Variants in RABGAP1L observed in about 807,000 individuals in gnomAD.
The protein encoded by RABGAP1L is rab GTPase-activating protein 1-like.
Under a neutral mutation model 137.7 loss-of-function variants are expected in RABGAP1L, and 63 were observed. The observed-to-expected ratio is 0.46, with a 90% CI of 0.37 to 0.56. The LOEUF (loss-of-function observed/expected upper bound fraction) is 0.56. RABGAP1L is among the 20% of genes least tolerant of loss of function. The pLI is 0.00. For missense variants in RABGAP1L, 1,095 were observed against 1,244.0 expected (o/e 0.88, Z 1.80); for synonymous variants, 431 against 433.7 (o/e 0.99, Z 0.08).
chr1:174,601,278 T>A (rs1436874544), intron 13 of RABGAP1L, among the ~76,000 whole-genome samples: 3 of 152,236 alleles, frequency 2.0e-5, no homozygotes, highest in African/African-American at 4.8e-5. Context: ...GAGGGGCTGC[T>A]GCGAAGGTCT....
intron 17 of RABGAP1L, among the ~76,000 whole-genome samples, chr1:174,716,419 C>G (rs915037099): frequency 6.6e-6 from 1 of 152,194 alleles, no homozygotes; most frequent in African/African-American, 2.4e-5. Context: ...GTAGCTGGGA[C>G]TGCAGGTATG....
At chr1:174,778,813 C>T (rs1013497523) in intron 18 of RABGAP1L, among the ~76,000 whole-genome samples, 3 of 152,112 alleles carry the variant, frequency 2.0e-5, no homozygotes, top group African/African-American at 7.2e-5. Context: ...CCAGGCTTGT[C>T]TCAAACTCCT....
At chr1:174,726,978 A>T (rs549878834) in intron 17 of RABGAP1L, among the ~76,000 whole-genome samples, 5 of 152,068 alleles carry the variant, frequency 3.3e-5, no homozygotes, top group Non-Finnish European at 7.4e-5. Context: ...ATCGGTAAAC[A>T]TTTGTTAGTT....
At chr1:174,618,907 A>C (rs192074454) in intron 13 of RABGAP1L, among the ~76,000 whole-genome samples, 58 of 152,342 alleles carry the variant, frequency 3.8e-4, no homozygotes, top group African/African-American at 1.3e-3. Flanking sequence ...ATTTAGACGA[A>C]TGTATAACTA....
At chr1:174,427,978 T>A (rs1278102843) in intron 13 of RABGAP1L, among the ~76,000 whole-genome samples, 1 of 152,198 alleles carries the variant, frequency 6.6e-6, no homozygotes, top group African/African-American at 2.4e-5. Context: ...GTAAATTATT[T>A]CGGGTCCCTG....
Position 174,215,875 on chromosome 1 carries a change from C to G in RABGAP1L, c.-33-3250C>G, listed in dbSNP as rs575483282. Among the ~76,000 whole-genome samples, 7 of 150,504 alleles carry G rather than the reference C, an allele frequency of 4.7e-5. No homozygotes were observed. In the South Asian group the frequency reaches 1.5e-3, roughly 32 times the overall value. ...CTCCCTTGTTTATTGCAGCACTACTCACAGCAGCCAAGATTTGGAAGCAAC... is the reference window on the plus strand; with the variant it reads ...CTCCCTTGTTTATTGCAGCACTACTGACAGCAGCCAAGATTTGGAAGCAAC... On this transcript the variant is annotated intron_variant, in intron 1 of 25. Coordinates refer to ENST00000681986, the MANE Select transcript of RABGAP1L (RefSeq NM_001366446.1).
At chr1:174,716,857 G>GTA (rs1681061421) in intron 17 of RABGAP1L, among the ~76,000 whole-genome samples, 1 of 152,046 alleles carries the variant, frequency 6.6e-6, no homozygotes, top group Non-Finnish European at 1.5e-5. Context: ...ATCATGTCTG[G>GTA]TAATTATTTC....
intron 1 of RABGAP1L, among the ~76,000 whole-genome samples, chr1:174,175,076 G>A (rs1051900020): frequency 6.6e-6 from 1 of 152,134 alleles, no homozygotes; most frequent in African/African-American, 2.4e-5. Context: ...ACTTAGTACA[G>A]TTATCAAATT....
chr1:174,403,012 T>C (rs952642473), intron 13 of RABGAP1L, among the ~76,000 whole-genome samples: 8 of 152,106 alleles, frequency 5.3e-5, no homozygotes, highest in Admixed American at 5.2e-4. Context: ...TATTAGATTG[T>C]AGTTGTGTGG....
At chr1:174,276,064 CA>C in intron 9 of RABGAP1L, 129 bp downstream of exon 9, 1 of 621,128 alleles carries the variant, frequency 1.6e-6, no homozygotes, top group South Asian at 2.4e-5. Context: ...ATTTGAGGTT[CA>C]TTTTTATTCT....
intron 13 of RABGAP1L, among the ~76,000 whole-genome samples, chr1:174,609,161 G>A (rs1670997312): frequency 6.6e-6 from 1 of 152,052 alleles, no homozygotes; most frequent in African/African-American, 2.4e-5. Flanking sequence ...AAATGAAAGA[G>A]TTTTTATTTG....
intron 19 of RABGAP1L, among the ~76,000 whole-genome samples, chr1:174,946,936 A>ATGTGTGTG (rs1311067728): frequency 9.2e-5 from 6 of 65,076 alleles, no homozygotes; most frequent in African/African-American, 4.9e-4. Flanking sequence ...ATATATATAT[A>ATGTGTGTG]TATATGTGTG....
chr1:174,261,885 G>T (rs1340775453), intron 7 of RABGAP1L, among the ~76,000 whole-genome samples: 1 of 152,106 alleles, frequency 6.6e-6, no homozygotes, highest in Non-Finnish European at 1.5e-5. Context: ...AAGAATTTTA[G>T]ATGTTATAAT....
At chr1:174,474,204 A>G (rs61826877) in intron 13 of RABGAP1L, among the ~76,000 whole-genome samples, 13,674 of 152,220 alleles carry the variant, frequency 0.09, 840 homozygotes, top group East Asian at 0.22. Context: ...TATTTATTCA[A>G]TTTGTAGTAT....
chr1:174,195,705 C>CTTTCT (rs1558021580), intron 1 of RABGAP1L, among the ~76,000 whole-genome samples: 4 of 98,126 alleles, frequency 4.1e-5, no homozygotes, highest in African/African-American at 2.1e-4. Flanking sequence ...TCCTTCTTTC[C>CTTTCT]TTCTTTCTTT....
At position 174,470,380 on chromosome 1, in the gene RABGAP1L, T is replaced by C. The variant is rs1360594540; in HGVS notation, c.1710+76235T>C. ...TACCTTTTGTATACAAAGGTGATGATACTGAATTAAATTTCCAGAAGTAAT... is the reference window on the plus strand; with the variant it reads ...TACCTTTTGTATACAAAGGTGATGACACTGAATTAAATTTCCAGAAGTAAT... On this transcript the variant is annotated intron_variant, in intron 13 of 25. Coordinates refer to ENST00000681986, the MANE Select transcript of RABGAP1L (RefSeq NM_001366446.1). 3.3e-5 allele frequency among the ~76,000 whole-genome samples: 5 copies of C among 152,338 alleles called. No homozygotes were observed. In the East Asian group the frequency reaches 9.6e-4, roughly 29 times the overall value.
intron 11 of RABGAP1L, among the ~76,000 whole-genome samples, chr1:174,317,486 A>G (rs1679489511): frequency 1.3e-5 from 2 of 152,134 alleles, no homozygotes; most frequent in South Asian, 2.1e-4. Context: ...ATGGTGCCCT[A>G]TCTTGCTTTG....
At chr1:174,198,203 G>A (rs565001725) in intron 1 of RABGAP1L, among the ~76,000 whole-genome samples, 3 of 152,208 alleles carry the variant, frequency 2.0e-5, no homozygotes, top group East Asian at 1.9e-4. Context: ...GTAAATAATT[G>A]TTACTTTTCT....
intron 13 of RABGAP1L, among the ~76,000 whole-genome samples, chr1:174,582,021 C>G (rs1668785289): frequency 6.6e-6 from 1 of 152,108 alleles, no homozygotes; most frequent in Non-Finnish European, 1.5e-5. Flanking sequence ...TTTAAGTAGG[C>G]TGACTTTGAC....
Sources: allele counts gnomAD v4.1 joint callset (sites outside exome capture counted in the v4.1 genomes callset), GRCh38; gene constraint gnomAD v4.1.1; transcripts MANE v1.5; gene names NCBI Gene and HGNC (gene_info 2026-07-23, HGNC 2026-07-21).